Variants in TACC2 observed in about 807,000 individuals in gnomAD.
TACC2 encodes transforming acidic coiled-coil containing protein 2.
TACC2 carries 137 observed loss-of-function variants against 227.3 expected under a neutral mutation model. The observed-to-expected ratio is 0.60, with a 90% CI of 0.52 to 0.69. The LOEUF (loss-of-function observed/expected upper bound fraction) is 0.69. Ranked by LOEUF, TACC2 falls within the 30% of genes least tolerant of loss-of-function variation. The probability of loss-of-function intolerance (pLI) is 0.00; values close to 1 mark genes in which losing one functional copy is unlikely to be tolerated. For missense variants in TACC2, 3,470 were observed against 3,694.4 expected (o/e 0.94, Z 1.57); for synonymous variants, 1,523 against 1,487.5 (o/e 1.02, Z -0.55).
chr10:122,037,910 T>TTTG (rs1960928821), intron 2 of TACC2, among the ~76,000 whole-genome samples: 1 of 151,138 alleles, frequency 6.6e-6, no homozygotes, highest in African/African-American at 2.4e-5. Context: ...TTTTGTTGGT[T>TTTG]TTTGTTTGTT....
intron 7 of TACC2, among the ~76,000 whole-genome samples, chr10:122,145,205 G>C (rs186507334): frequency 4.6e-5 from 7 of 152,240 alleles, no homozygotes; most frequent in Admixed American, 6.5e-5. Context: ...GAAAATATAT[G>C]TCTACCTAAA....
Position 122,082,845 on chromosome 10 carries a change from G to A in TACC2, c.345G>A (p.Glu115=). 6.2e-7 allele frequency: 1 copy of A among 1,613,612 alleles called. No individual in the cohort carries two copies. Among genetic ancestry groups the A allele is most frequent in the Non-Finnish European group, 8.5e-7 (1 of 1,180,030 alleles). The part of the protein sequence containing the change: ...EHPSSSMPFA[E]CPPEGCLASP... ...CCTCGTCCTCCATGCCCTTTGCCGA[G>A]TGTCCCCCGGAAGGTTGCTTGGCAA... The change falls in exon 4 of 23, where the codon GAG becomes GAA. Residue 115 remains glutamate, a synonymous_variant. Transcript: ENST00000369005.
chr10:122,013,962 A>C (rs1053022311), intron 1 of TACC2, among the ~76,000 whole-genome samples: 3 of 152,154 alleles, frequency 2.0e-5, no homozygotes, highest in Admixed American at 6.5e-5. Context: ...TAACAATCTA[A>C]ATTATTCTAT....
At chr10:122,008,264 A>ATTATTATTATTATTAT in intron 1 of TACC2, among the ~76,000 whole-genome samples, 4,463 of 134,524 alleles carry the variant, frequency 0.033, 122 homozygotes, top group Admixed American at 0.07. Flanking sequence ...TATTATTATT[A>ATTATTATTATTATTAT]TTTTTTTTTT....
At chr10:122,135,092 A>G (rs1479792586) in intron 6 of TACC2, among the ~76,000 whole-genome samples, 1 of 152,150 alleles carries the variant, frequency 6.6e-6, no homozygotes, top group Admixed American at 6.5e-5. Flanking sequence ...CTCACAGTTG[A>G]GCAGACTGGG....
intron 6 of TACC2, among the ~76,000 whole-genome samples, chr10:122,134,348 AT>A (rs566129350): frequency 2.0e-5 from 3 of 150,024 alleles, no homozygotes; most frequent in African/African-American, 4.9e-5. Context: ...ATTTTCTTGT[AT>A]TTTTTTTTAG....
At chr10:122,228,971 CAT>C (rs578069814) in intron 14 of TACC2, among the ~76,000 whole-genome samples, 3 of 151,240 alleles carry the variant, frequency 2.0e-5, no homozygotes, top group Admixed American at 1.3e-4. Flanking sequence ...AACCTTACTT[CAT>C]ATATATATAT....
intron 3 of TACC2, among the ~76,000 whole-genome samples, chr10:122,072,105 A>C (rs904876112): frequency 3.3e-5 from 5 of 150,226 alleles, no homozygotes; most frequent in South Asian, 2.1e-4. Flanking sequence ...CAACCTCCCG[A>C]GTAGCTGGGA....
At chr10:122,124,750 A>C (rs963471919) in intron 5 of TACC2, among the ~76,000 whole-genome samples, 1 of 152,244 alleles carries the variant, frequency 6.6e-6, no homozygotes, top group African/African-American at 2.4e-5. Flanking sequence ...AGTTGTAAGA[A>C]TACTACAAAA....
At chr10:122,123,854 C>T (rs1480240877) in intron 5 of TACC2, among the ~76,000 whole-genome samples, 10 of 147,254 alleles carry the variant, frequency 6.8e-5, no homozygotes, top group Admixed American at 6.8e-4. Flanking sequence ...ACTCTTCTTG[C>T]CCAGGCTGGA....
chr10:122,071,341 A>G (rs2078029324), intron 3 of TACC2, among the ~76,000 whole-genome samples: 1 of 152,216 alleles, frequency 6.6e-6, no homozygotes, highest in Non-Finnish European at 1.5e-5. Context: ...CATTCTGGCT[A>G]TGGGGAGTAC....
At chr10:122,167,843 C>G (rs1304014603) in intron 7 of TACC2, among the ~76,000 whole-genome samples, 1 of 152,200 alleles carries the variant, frequency 6.6e-6, no homozygotes, top group African/African-American at 2.4e-5. Context: ...GTCGCTGGGG[C>G]TCTAAGCAGG....
intron 1 of TACC2, among the ~76,000 whole-genome samples, chr10:121,994,979 G>C (rs141672879): frequency 1.5e-3 from 228 of 152,242 alleles, no homozygotes; most frequent in African/African-American, 5.2e-3. Context: ...AGTTGCGCTG[G>C]ATGATTACTG....
At chr10:122,003,043 A>C (rs1954608245) in intron 1 of TACC2, among the ~76,000 whole-genome samples, 2 of 152,084 alleles carry the variant, frequency 1.3e-5, no homozygotes, top group Admixed American at 1.3e-4. Flanking sequence ...TCTCTACTAA[A>C]ACTACAAAAA....
At chr10:122,119,923 G>A (rs1413402417) in intron 5 of TACC2, among the ~76,000 whole-genome samples, 77 of 109,778 alleles carry the variant, frequency 7.0e-4, no homozygotes, top group Middle Eastern at 4.3e-3. Context: ...CTTCTCAAAA[G>A]AAAAAAAAAA....
At chr10:122,233,671 G>T (rs1034745749) in intron 16 of TACC2, among the ~76,000 whole-genome samples, 1 of 152,160 alleles carries the variant, frequency 6.6e-6, no homozygotes. Context: ...GGAGGGAGAC[G>T]TGATGCCCAA....
At chr10:122,068,231 C>G (rs775512859) in intron 3 of TACC2, among the ~76,000 whole-genome samples, 3 of 152,058 alleles carry the variant, frequency 2.0e-5, no homozygotes, top group Admixed American at 6.5e-5. Flanking sequence ...CCTCTAGCCT[C>G]CTGAACATAT....
intron 2 of TACC2, among the ~76,000 whole-genome samples, chr10:122,044,380 A>G (rs1405430299): frequency 6.6e-6 from 1 of 152,210 alleles, no homozygotes; most frequent in Non-Finnish European, 1.5e-5. Context: ...CCTTCCCTTG[A>G]CAGGGAAGAT....
chr10:122,185,704 T>C (rs533196217), intron 7 of TACC2, among the ~76,000 whole-genome samples: 1 of 152,348 alleles, frequency 6.6e-6, no homozygotes, highest in Non-Finnish European at 1.5e-5. Context: ...CATGACTTGG[T>C]TGAACAGAAA....
Sources: gnomAD v4.1 joint callset for allele counts (sites outside exome capture counted in the v4.1 genomes callset) on GRCh38, gnomAD v4.1.1 for gene constraint, MANE v1.5 for transcripts, NCBI Gene and HGNC (gene_info 2026-07-23, HGNC 2026-07-21) for gene names.